Variants in SSBP3 observed in about 807,000 individuals in gnomAD.
The protein encoded by SSBP3 is single stranded DNA binding protein 3.
Under a neutral mutation model 69.6 loss-of-function variants are expected in SSBP3, and 5 were observed. The observed-to-expected ratio is 0.07, with a 90% CI of 0.04 to 0.15. The LOEUF (loss-of-function observed/expected upper bound fraction) is 0.15. SSBP3 is among the 10% of genes least tolerant of loss of function. The probability of loss-of-function intolerance (pLI) is 1.00; values close to 1 mark genes in which losing one functional copy is unlikely to be tolerated. For synonymous variants in SSBP3, 196 were observed against 193.4 expected, an observed-to-expected ratio of 1.01 and a Z score of -0.11; for missense variants, 312 against 534.0, an observed-to-expected ratio of 0.58 and a Z score of 4.10.
intron 4 of SSBP3, among the ~76,000 whole-genome samples, chr1:54,335,625 G>A (rs566133367): frequency 9.9e-5 from 15 of 152,236 alleles, no homozygotes; most frequent in South Asian, 2.1e-4. Context: ...CTATCTCCCC[G>A]GTGCCCAAAC....
intron 4 of SSBP3, among the ~76,000 whole-genome samples, chr1:54,382,985 CAAAA>C (rs781100304): frequency 3.3e-5 from 3 of 89,956 alleles, no homozygotes; most frequent in East Asian, 6.8e-4. Flanking sequence ...AACTCCATGA[CAAAA>C]AAAAAAAAAA....
At chr1:54,409,806 A>G (rs1005409602), upstream of SSBP3, among the ~76,000 whole-genome samples, 4 of 151,808 alleles carry the variant, frequency 2.6e-5, no homozygotes, top group East Asian at 5.8e-4. Flanking sequence ...AACGCCTGCT[A>G]TATACCATAC....
rs1645657037 is a variant in SSBP3, at chr1:54,294,149, A to G, written c.277-12622T>C. ...CAGAGTGAGACTCCATCTCAAAAAA[A>G]AAAAAAAAAAAAAGAAAGAAAGAAA... On this transcript the variant is annotated intron_variant, in intron 4 of 17. Transcript: ENST00000610401. Among the ~76,000 whole-genome samples the G allele has an allele frequency of 3.6e-5, 4 of 111,686 alleles. No individual in the cohort carries two copies. The South Asian group carries it at 1.5e-3, about 41-fold the overall frequency. 73.3% of individuals were successfully genotyped at this position (111,686 alleles called of 152,430 possible).
chr1:54,400,271 G>A (rs1300432415), intron 4 of SSBP3, among the ~76,000 whole-genome samples: 1 of 152,146 alleles, frequency 6.6e-6, no homozygotes, highest in South Asian at 2.1e-4. Flanking sequence ...TACATCAAGA[G>A]AGTGAAAGAC....
chr1:54,239,637 C>T (rs1304923105), intron 13 of SSBP3, among the ~76,000 whole-genome samples: 3 of 152,204 alleles, frequency 2.0e-5, no homozygotes, highest in Non-Finnish European at 4.4e-5. Flanking sequence ...GCTGATGGGG[C>T]AGGAGGGAGA....
intron 5 of SSBP3, among the ~76,000 whole-genome samples, chr1:54,274,660 G>A (rs976692018): frequency 3.3e-5 from 5 of 152,118 alleles, no homozygotes; most frequent in Admixed American, 6.5e-5. Context: ...ACTCCTGCTC[G>A]GGCCATGGCC....
At chr1:54,343,412 G>C (rs1032599287) in intron 4 of SSBP3, among the ~76,000 whole-genome samples, 2 of 152,204 alleles carry the variant, frequency 1.3e-5, no homozygotes, top group East Asian at 3.9e-4. Context: ...CAACATCAGA[G>C]CTCAGTAGAC....
intron 1 of SSBP3, among the ~76,000 whole-genome samples, chr1:54,405,697 G>A (rs1216686474): frequency 6.6e-6 from 1 of 151,712 alleles, no homozygotes; most frequent in Non-Finnish European, 1.5e-5. Flanking sequence ...CCGCGCCACG[G>A]CCACCAAGTA....
At chr1:54,410,534 AC>A (rs770784878), upstream of SSBP3, among the ~76,000 whole-genome samples, 35 of 152,276 alleles carry the variant, frequency 2.3e-4, no homozygotes, top group Middle Eastern at 3.4e-3. Flanking sequence ...CCACTTCTGC[AC>A]CCGGCACGCT....
chr1:54,272,469 A>C (rs1276257767), intron 5 of SSBP3, among the ~76,000 whole-genome samples: 1 of 150,498 alleles, frequency 6.6e-6, no homozygotes, highest in Non-Finnish European at 1.5e-5. Flanking sequence ...ACAAGGGCTA[A>C]GGAATTTGAC....
At chr1:54,274,995 C>T (rs1245828299) in intron 5 of SSBP3, among the ~76,000 whole-genome samples, 2 of 152,176 alleles carry the variant, frequency 1.3e-5, no homozygotes, top group African/African-American at 2.4e-5. Context: ...GGAGAGGCTT[C>T]CCCAGACAAG....
At chr1:54,306,876 G>T (rs1645910298) in intron 4 of SSBP3, among the ~76,000 whole-genome samples, 1 of 152,170 alleles carries the variant, frequency 6.6e-6, no homozygotes, top group African/African-American at 2.4e-5. Context: ...GATCACCTGA[G>T]GTAGTGGACA....
At chr1:54,378,740 T>C (rs1647387303) in intron 4 of SSBP3, among the ~76,000 whole-genome samples, 1 of 151,808 alleles carries the variant, frequency 6.6e-6, no homozygotes, top group African/African-American at 2.4e-5. Context: ...GTTTCACTGG[T>C]GAGTGGCCGG....
In SSBP3 at chr1:54,359,366, G is replaced by T. The variant is rs374293207; in HGVS notation, c.276+42495C>A. ...CATCACTGAAGGTAAAGCAGAGGCTGCAGAAGAAACCAGGGCCAGGGAGAC... is the reference window on the plus strand; with the variant it reads ...CATCACTGAAGGTAAAGCAGAGGCTTCAGAAGAAACCAGGGCCAGGGAGAC... On this transcript the variant is annotated intron_variant, in intron 4 of 17. Transcript: ENST00000610401. Among the ~76,000 whole-genome samples, 3 of 152,198 alleles carry T rather than the reference G, an allele frequency of 2.0e-5. No homozygotes were observed. The East Asian group carries it at 5.8e-4, about 29-fold the overall frequency.
intron 4 of SSBP3, among the ~76,000 whole-genome samples, chr1:54,320,233 T>A (rs1227789030): frequency 6.6e-6 from 1 of 152,126 alleles, no homozygotes; most frequent in African/African-American, 2.4e-5. Context: ...GACACTGGCC[T>A]TTTTCAAAAA....
intron 4 of SSBP3, among the ~76,000 whole-genome samples, chr1:54,368,838 T>C (rs901384932): frequency 5.9e-5 from 9 of 152,266 alleles, no homozygotes; most frequent in Middle Eastern, 3.4e-3. Flanking sequence ...GGCTCTCACT[T>C]ACTAGGGAAT....
intron 4 of SSBP3, among the ~76,000 whole-genome samples, chr1:54,304,930 C>A (rs895658329): frequency 9.2e-5 from 14 of 152,136 alleles, no homozygotes; most frequent in Non-Finnish European, 1.5e-4. Flanking sequence ...CCACCACCAC[C>A]CCCACCGACA....
At chr1:54,226,777 A>T (rs912377084) in exon 18 of SSBP3, 34 of 214,592 alleles carry the variant, frequency 1.6e-4, no homozygotes, top group African/African-American at 2.1e-4. Context: ...GAAAACAAAT[A>T]AAAAAATCCC....
chr1:54,260,579 G>A (rs1046145748), intron 5 of SSBP3, among the ~76,000 whole-genome samples: 5 of 152,224 alleles, frequency 3.3e-5, no homozygotes, highest in East Asian at 1.9e-4. Flanking sequence ...CCTCCTCTGC[G>A]CCTCCCTCAG....
Sources: gnomAD v4.1 joint callset for allele counts (sites outside exome capture counted in the v4.1 genomes callset) on GRCh38, gnomAD v4.1.1 for gene constraint, MANE v1.5 for transcripts, NCBI Gene and HGNC (gene_info 2026-07-23, HGNC 2026-07-21) for gene names.